Variants in RANBP17 observed in about 807,000 individuals in gnomAD.
The protein encoded by RANBP17 is RAN binding protein 17, also known as ran-binding protein 17.
RANBP17 carries 158 observed loss-of-function variants against 141.2 expected under a neutral mutation model. The ratio of observed to expected loss-of-function variants is 1.12; its 90% CI spans 0.98 to 1.28. The LOEUF (loss-of-function observed/expected upper bound fraction) is 1.28. Among genes scored for constraint, RANBP17 ranks in the 50% most tolerant of loss-of-function variants. The pLI is 0.00. For missense variants in RANBP17, 1,438 were observed against 1,290.7 expected (o/e 1.11, Z -1.75); for synonymous variants, 430 against 450.0 (o/e 0.96, Z 0.56).
At chr5:171,088,670 T>G (rs1785913577) in intron 14 of RANBP17, among the ~76,000 whole-genome samples, 1 of 152,132 alleles carries the variant, frequency 6.6e-6, no homozygotes, top group African/African-American at 2.4e-5. Flanking sequence ...TTCTTTTTAT[T>G]CTTTTTTCTC....
chr5:170,875,215 T>G (rs1452326939), intron 1 of RANBP17, among the ~76,000 whole-genome samples: 2 of 152,222 alleles, frequency 1.3e-5, no homozygotes, highest in African/African-American at 2.4e-5. Context: ...TCTGATGGGC[T>G]TCCCTTTGTA....
chr5:170,995,297 A>G (rs1355150680), intron 14 of RANBP17, among the ~76,000 whole-genome samples: 6 of 152,122 alleles, frequency 3.9e-5, no homozygotes, highest in South Asian at 2.1e-4. Context: ...GGTGTCAATT[A>G]GCATGTATTT....
At chr5:170,862,525 A>T (rs1766888026) in intron 1 of RANBP17, among the ~76,000 whole-genome samples, 1 of 152,072 alleles carries the variant, frequency 6.6e-6, no homozygotes, top group South Asian at 2.1e-4. Flanking sequence ...CCCCAGCCGG[A>T]GCGGGGGCTT....
At chr5:171,141,522 G>T (rs1406444330) in intron 14 of RANBP17, among the ~76,000 whole-genome samples, 1 of 150,058 alleles carries the variant, frequency 6.7e-6, no homozygotes, top group African/African-American at 2.5e-5. Context: ...GAGGAGAATG[G>T]CGTGAACCTG....
At chr5:171,046,915 G>A (rs1216637058) in intron 14 of RANBP17, among the ~76,000 whole-genome samples, 2 of 150,856 alleles carry the variant, frequency 1.3e-5, no homozygotes, top group African/African-American at 4.9e-5. Context: ...AATTTGAGCA[G>A]TTTCAGCACA....
intron 5 of RANBP17, among the ~76,000 whole-genome samples, chr5:170,909,159 A>T (rs1049800768): frequency 6.6e-5 from 10 of 151,946 alleles, no homozygotes; most frequent in Non-Finnish European, 1.5e-5. Context: ...ATAAGAAATC[A>T]GATTTCTGAT....
At chr5:171,018,313 T>TGGGA (rs1333135374) in intron 14 of RANBP17, among the ~76,000 whole-genome samples, 5 of 152,216 alleles carry the variant, frequency 3.3e-5, no homozygotes, top group Non-Finnish European at 5.9e-5. Context: ...GGTAGTTTGA[T>TGGGA]GGGAATAGCA....
intron 14 of RANBP17, among the ~76,000 whole-genome samples, chr5:171,040,732 A>G (rs1041442209): frequency 2.0e-5 from 3 of 152,166 alleles, no homozygotes; most frequent in African/African-American, 7.2e-5. Flanking sequence ...AAGAGAGGGA[A>G]TAAGTTAAAA....
At chr5:170,896,678 C>T (rs2339171) in intron 5 of RANBP17, among the ~76,000 whole-genome samples, 1 of 151,544 alleles carries the variant, frequency 6.6e-6, no homozygotes, top group Non-Finnish European at 1.5e-5. Flanking sequence ...AAAAATACAA[C>T]AATTAGATGG....
intron 19 of RANBP17, among the ~76,000 whole-genome samples, chr5:171,200,920 A>C (rs1386592984): frequency 1.3e-5 from 2 of 152,200 alleles, no homozygotes; most frequent in Non-Finnish European, 2.9e-5. Context: ...GTCTTCCTGA[A>C]ATTCTTCACC....
At chr5:170,957,465 A>G (rs1775813604) in intron 13 of RANBP17, among the ~76,000 whole-genome samples, 1 of 152,196 alleles carries the variant, frequency 6.6e-6, no homozygotes, top group Non-Finnish European at 1.5e-5. Context: ...TAATCCCAAA[A>G]TCAGTACTCA....
At chr5:171,122,258 A>G (rs1021655171) in intron 14 of RANBP17, among the ~76,000 whole-genome samples, 1 of 152,044 alleles carries the variant, frequency 6.6e-6, no homozygotes, top group Non-Finnish European at 1.5e-5. Flanking sequence ...GTCAAATCAT[A>G]TCTGTTTATT....
chr5:171,297,523 C>A (rs1191405397), intron 27 of RANBP17, among the ~76,000 whole-genome samples: 1 of 152,166 alleles, frequency 6.6e-6, no homozygotes, highest in African/African-American at 2.4e-5. Flanking sequence ...TTTGGTAATA[C>A]ATGACCAAGT....
At chr5:170,967,762 G>A (rs1776687781) in intron 13 of RANBP17, among the ~76,000 whole-genome samples, 1 of 151,588 alleles carries the variant, frequency 6.6e-6, no homozygotes, top group Non-Finnish European at 1.5e-5. Context: ...TATAACTTTT[G>A]TTAGATGTAC....
At chr5:170,894,486 T>TTATATATATATATATATATATA (rs3080623) in intron 4 of RANBP17, among the ~76,000 whole-genome samples, 3 of 133,314 alleles carry the variant, frequency 2.3e-5, no homozygotes, top group African/African-American at 8.8e-5. Flanking sequence ...TACGTGTTTT[T>TTATATATATATATATATATATA]TATATATATA....
chr5:170,890,766 T>C (rs543029809), intron 3 of RANBP17, among the ~76,000 whole-genome samples: 1 of 152,270 alleles, frequency 6.6e-6, no homozygotes, highest in African/African-American at 2.4e-5. Context: ...GAATTTGCTA[T>C]CCACTTTTAA....
At chr5:171,277,660 T>TATATATATATATATATAG in intron 25 of RANBP17, among the ~76,000 whole-genome samples, 1 of 134,592 alleles carries the variant, frequency 7.4e-6, no homozygotes, top group South Asian at 2.3e-4. Context: ...TATATATATA[T>TATATATATATATATATAG]ATATATATTT....
chr5:171,033,943 CTAAAAA>C (rs958483180), intron 14 of RANBP17, among the ~76,000 whole-genome samples: 3 of 151,924 alleles, frequency 2.0e-5, no homozygotes, highest in African/African-American at 7.3e-5. Flanking sequence ...TCTGTCTCTG[CTAAAAA>C]TAAAAATAAA....
chr5:171,056,739 A>G (rs1783403673), intron 14 of RANBP17, among the ~76,000 whole-genome samples: 2 of 152,308 alleles, frequency 1.3e-5, no homozygotes, highest in East Asian at 1.9e-4. Context: ...AGTTTGTCAT[A>G]TATTAAAGGT....
Sources: gnomAD v4.1 joint callset for allele counts (sites outside exome capture counted in the v4.1 genomes callset) on GRCh38, gnomAD v4.1.1 for gene constraint, MANE v1.5 for transcripts, NCBI Gene and HGNC (gene_info 2026-07-23, HGNC 2026-07-21) for gene names.